Variants in AKNA observed in about 807,000 individuals in gnomAD.
AKNA encodes microtubule organization protein AKNA.
A neutral mutation model predicts 138.8 loss-of-function variants in AKNA; 67 were observed. The ratio of observed to expected loss-of-function variants is 0.48; its 90% CI spans 0.40 to 0.59. The LOEUF is 0.59. Ranked by LOEUF, AKNA falls within the 20% of genes least tolerant of loss-of-function variation. The pLI, the probability that AKNA is intolerant of heterozygous loss-of-function variation, is 0.00. For missense variants in AKNA, 1,813 were observed against 1,880.4 expected (o/e 0.96, Z 0.66); for synonymous variants, 737 against 754.4 (o/e 0.98, Z 0.38).
At chr9:114,372,259 C>T (rs1331176211) in intron 4 of AKNA, among the ~76,000 whole-genome samples, 1 of 152,094 alleles carries the variant, frequency 6.6e-6, no homozygotes, top group Admixed American at 6.5e-5. Flanking sequence ...AGAACCATTT[C>T]TGGCCTCTCC....
chr9:114,342,909 C>G (rs576713750), intron 19 of AKNA, among the ~76,000 whole-genome samples: 9 of 152,302 alleles, frequency 5.9e-5, no homozygotes, highest in African/African-American at 1.9e-4. Context: ...AACGGAGAGG[C>G]CTGTCAGGAC....
rs573231403 is a variant in AKNA, at chr9:114,352,908, G to A, written c.3059-1887C>T. ...TGCACTCCAGCCTGGACAACAGAGC[G>A]AGACTCCATCTCAAAAAAAAAAAAA... On this transcript the variant is annotated intron_variant, in intron 14 of 21. Transcript: ENST00000374088. Among the ~76,000 whole-genome samples the A allele has an allele frequency of 6.6e-5, 10 of 150,534 alleles. No individual in the cohort carries two copies. In the East Asian group the frequency reaches 1.5e-3, roughly 23 times the overall value.
At chr9:114,364,936 C>T (rs1240840713) in intron 6 of AKNA, among the ~76,000 whole-genome samples, 2 of 152,114 alleles carry the variant, frequency 1.3e-5, no homozygotes, top group African/African-American at 4.8e-5. Flanking sequence ...TGCCTAAATG[C>T]CTGTCGGTGG....
chr9:114,362,338 CCTGGAGA>C, intron 8 of AKNA, 61 bp downstream of exon 8: 1 of 1,525,630 alleles, frequency 6.6e-7, no homozygotes, highest in South Asian at 1.3e-5. Flanking sequence ...GTGCCTCCCT[CCTGGAGA>C]CTGAGGGACC....
At chr9:114,367,726 G>T in intron 5 of AKNA, 29 bp from the exon 6 acceptor site, 1 of 1,523,332 alleles carries the variant, frequency 6.6e-7, no homozygotes, top group Non-Finnish European at 8.8e-7. Flanking sequence ...GAAAGCTGGG[G>T]CCAAGAACAG....
chr9:114,357,938 C>T lies in AKNA; in HGVS notation c.2722G>A (p.Gly908Ser), dbSNP rs767673471. 2.1e-5 allele frequency: 34 copies of T among 1,598,042 alleles called. No individual in the cohort carries two copies. The highest frequency in any genetic ancestry group is 1.1e-4 in the East Asian group (5 of 44,428). The part of the protein sequence containing the change: ...RLPQKPLHRG[G>S]GPHLEETWMA... ...AGACTTACCTCCAGGTGGGGCCCAC[C>T]GCCTCGGTGCAAAGGCTTCTGTGGA... Residue 908 changes from glycine to serine, a missense_variant, in exon 12 of 22, where the codon GGT (glycine) becomes AGT (serine). Gly to Ser is a moderately conservative substitution (Grantham distance 56, BLOSUM62 0). Coordinates refer to ENST00000374088, the MANE Select transcript of AKNA (RefSeq NM_001317950.2).
intron 3 of AKNA, among the ~76,000 whole-genome samples, chr9:114,374,957 G>A (rs1833058276): frequency 6.6e-6 from 1 of 152,210 alleles, no homozygotes; most frequent in Non-Finnish European, 1.5e-5. Flanking sequence ...AGGAATGAGA[G>A]CATTAGCATA....
chr9:114,341,771 G>GCA, intron 20 of AKNA, 46 bp from the exon 21 acceptor site: 1 of 1,523,798 alleles, frequency 6.6e-7, no homozygotes, highest in Non-Finnish European at 8.8e-7. Flanking sequence ...TGACCACTTG[G>GCA]CAGATCCAGC....
chr9:114,373,979 T>C (rs1471036629), intron 4 of AKNA, 114 bp downstream of exon 4: 2 of 1,019,686 alleles, frequency 2.0e-6, no homozygotes, highest in East Asian at 3.5e-5. Context: ...GGCGTTCCAC[T>C]ATCTCCAGGG....
chr9:114,376,556 T>C lies in AKNA; in HGVS notation c.1251A>G (p.Ala417=), dbSNP rs760159122. ...VLLSSGEAAL[A]KDTPPAHPIT... ...TAGGGTGGGCAGGAGGCGTGTCCTT[T>C]GCCAGGGCTGCTTCTCCACTGCTCA... The change falls in exon 3 of 22, where the codon GCA becomes GCG. Residue 417 remains alanine (A), a synonymous_variant. Transcript: ENST00000374088. The C allele has an allele frequency of 2.5e-6, 4 of 1,614,126 alleles. No individual in the cohort carries two copies. The highest frequency in any genetic ancestry group is 3.4e-6 in the Non-Finnish European group (4 of 1,180,016).
chr9:114,358,565 A>G (rs1831673945), intron 11 of AKNA, among the ~76,000 whole-genome samples: 1 of 151,766 alleles, frequency 6.6e-6, no homozygotes, highest in South Asian at 2.1e-4. Context: ...ACTAACTTTG[A>G]GGATAAATAT....
rs778921468 is a variant in AKNA, at chr9:114,377,600, G to C, written c.275-68C>G. On this transcript the variant is annotated intron_variant, in intron 2 of 21. Transcript: ENST00000374088. ...GCACCCACCTTGTAACTTACCCTAA[G>C]TCACTTCAACTCTCTGGCTTCCATT... The C allele has an allele frequency of 2.8e-6, 4 of 1,446,162 alleles. No homozygotes were observed. In the Admixed American group the frequency reaches 9.5e-5, roughly 34 times the overall value. The allele number at this position is 1,446,162 out of a possible 1,614,324, so 89.6% of individuals were successfully genotyped here. A position where few individuals can be genotyped will look rare whatever the true frequency, so the allele number is the denominator to read the frequency against.
At chr9:114,381,472 A>T (rs1430516201) in intron 1 of AKNA, 26 bp from the exon 2 acceptor site, 3 of 1,407,998 alleles carry the variant, frequency 2.1e-6, no homozygotes. Flanking sequence ...TCAAGAGAGA[A>T]CATTAATCAA....
At chr9:114,377,818 G>A (rs1355807055) in intron 2 of AKNA, among the ~76,000 whole-genome samples, 1 of 152,180 alleles carries the variant, frequency 6.6e-6, no homozygotes, top group Non-Finnish European at 1.5e-5. Context: ...CAGGCCAGAA[G>A]GCTGGGAGGC....
intron 2 of AKNA, among the ~76,000 whole-genome samples, chr9:114,380,839 C>T (rs1050836851): frequency 1.3e-5 from 2 of 150,754 alleles, no homozygotes; most frequent in Non-Finnish European, 2.9e-5. Context: ...AAAATACAAC[C>T]GGGCATGGTG....
In AKNA at chr9:114,346,657, G is replaced by A. The variant is rs750445023; in HGVS notation, c.3514+12C>T. On this transcript the variant is annotated intron_variant, in intron 17 of 21. Transcript: ENST00000374088. ...GGCCTCTGGAAATCAGCCTTTGCAG[G>A]TGGTCACTTACTCAGGGACAGTCGG... 6.3e-7 allele frequency: 1 copy of A among 1,591,584 alleles called. No individual in the cohort carries two copies. The highest frequency in any genetic ancestry group is 8.6e-7 in the Non-Finnish European group (1 of 1,167,146).
At chr9:114,345,434 A>C (rs534943584) in intron 18 of AKNA, 1 of 157,882 alleles carries the variant, frequency 6.3e-6, no homozygotes, top group South Asian at 1.8e-4. Flanking sequence ...TGTCATCTCA[A>C]GTCTTTACTC....
At chr9:114,393,213 C>CTTT (rs869060529) in intron 1 of AKNA, among the ~76,000 whole-genome samples, 4 of 132,154 alleles carry the variant, frequency 3.0e-5, no homozygotes, top group African/African-American at 5.6e-5. Flanking sequence ...ACAGTATAAT[C>CTTT]TTTTTTTTTT....
chr9:114,384,565 C>T (rs1833904087), intron 1 of AKNA, among the ~76,000 whole-genome samples: 2 of 152,186 alleles, frequency 1.3e-5, no homozygotes, highest in Non-Finnish European at 1.5e-5. Context: ...GTGAAGATGA[C>T]AAGGATGTAG....
Sources: gnomAD v4.1 joint callset for allele counts (sites outside exome capture counted in the v4.1 genomes callset) on GRCh38, gnomAD v4.1.1 for gene constraint, MANE v1.5 for transcripts, NCBI Gene and HGNC (gene_info 2026-07-23, HGNC 2026-07-21) for gene names.